The following PTPN3 variants were observed in gnomAD, a reference collection of about 807,000 sequenced individuals.
PTPN3 encodes tyrosine-protein phosphatase non-receptor type 3.
In PTPN3, 96 loss-of-function variants were observed where a neutral mutation model predicts 132.7. The ratio of observed to expected loss-of-function variants is 0.72; its 90% confidence interval spans 0.61 to 0.86. PTPN3 has a LOEUF of 0.86. Among genes scored for constraint, PTPN3 ranks in the 40% least tolerant of loss-of-function variants. The pLI, the probability that PTPN3 is intolerant of heterozygous loss-of-function variation, is 0.00. For synonymous variants in PTPN3, 398 were observed against 429.0 expected, an observed-to-expected ratio of 0.93 and a Z score of 0.89; for missense variants, 1,125 against 1,159.6, an observed-to-expected ratio of 0.97 and a Z score of 0.43.
chr9:109,397,982 C>T (rs1013953070), intron 19 of PTPN3, among the ~76,000 whole-genome samples: 2 of 152,152 alleles, frequency 1.3e-5, no homozygotes, highest in African/African-American at 4.8e-5. Flanking sequence ...TTTAAAAATG[C>T]AATCTTTTGG....
chr9:109,523,238 C>T, the PTPN3 span, among the ~76,000 whole-genome samples: 34 of 151,984 alleles, frequency 2.2e-4, no homozygotes, highest in African/African-American at 8.0e-4. Flanking sequence ...CCTCAGCCTC[C>T]CGAGTAGCTG....
chr9:109,380,306 A>G (rs999350083), intron 25 of PTPN3, among the ~76,000 whole-genome samples: 2 of 151,956 alleles, frequency 1.3e-5, no homozygotes, highest in Admixed American at 1.3e-4. Flanking sequence ...CTCAGGCTGG[A>G]GTGCAGTGGC....
chr9:109,506,610 T>C, the PTPN3 span, among the ~76,000 whole-genome samples: 1 of 143,658 alleles, frequency 7.0e-6, no homozygotes, highest in Admixed American at 7.0e-5. Context: ...TTTCTTTCTT[T>C]TTTTTTTTTT....
At chr9:109,465,706 CAAAAAAA>C (rs34634972) in intron 1 of PTPN3, among the ~76,000 whole-genome samples, 3 of 64,830 alleles carry the variant, frequency 4.6e-5, no homozygotes, top group African/African-American at 1.3e-4. Context: ...AACTCTGTCT[CAAAAAAA>C]AAAAAAAAAA....
upstream of PTPN3, among the ~76,000 whole-genome samples, chr9:109,501,249 TCA>T (rs577178720): frequency 2.1e-4 from 32 of 152,310 alleles, no homozygotes; most frequent in African/African-American, 7.2e-4. Context: ...GTGTTTTAGC[TCA>T]GTTTTACAGA....
chr9:109,525,422 C>A, the PTPN3 span, among the ~76,000 whole-genome samples: 2 of 152,124 alleles, frequency 1.3e-5, no homozygotes, highest in Admixed American at 1.3e-4. Context: ...CCTCTAAAGT[C>A]CAATAGTTCT....
At chr9:109,476,697 A>G (rs951809170) in intron 1 of PTPN3, among the ~76,000 whole-genome samples, 4 of 152,202 alleles carry the variant, frequency 2.6e-5, no homozygotes, top group Non-Finnish European at 5.9e-5. Context: ...TCCCAAGTGG[A>G]CATGAACCTG....
intron 1 of PTPN3, among the ~76,000 whole-genome samples, chr9:109,492,294 C>A (rs1036065181): frequency 6.6e-6 from 1 of 152,086 alleles, no homozygotes; most frequent in Non-Finnish European, 1.5e-5. Context: ...AGGTCTCCAA[C>A]CCCACTCCTA....
chr9:109,480,398 C>G (rs975327422), intron 1 of PTPN3, among the ~76,000 whole-genome samples: 14 of 152,126 alleles, frequency 9.2e-5, no homozygotes, highest in African/African-American at 3.4e-4. Context: ...CTCCTAGACT[C>G]AATGATCTGC....
intron 21 of PTPN3, among the ~76,000 whole-genome samples, chr9:109,389,667 C>G (rs1022339200): frequency 2.0e-5 from 3 of 152,222 alleles, no homozygotes; most frequent in Non-Finnish European, 4.4e-5. Flanking sequence ...TTTCATTGCT[C>G]TATCCTAAAT....
At chr9:109,530,176 A>G in the PTPN3 span, among the ~76,000 whole-genome samples, 1 of 152,146 alleles carries the variant, frequency 6.6e-6, no homozygotes, top group Non-Finnish European at 1.5e-5. Flanking sequence ...ACTAACCACT[A>G]CCCATCTCCA....
chr9:109,476,895 G>A (rs1488951967), intron 1 of PTPN3, among the ~76,000 whole-genome samples: 2 of 152,120 alleles, frequency 1.3e-5, no homozygotes, highest in South Asian at 2.1e-4. Flanking sequence ...TCCCTTTCCT[G>A]TTTCTGGGCT....
chr9:109,502,724 C>T (rs573807777), upstream of PTPN3, among the ~76,000 whole-genome samples: 1 of 152,230 alleles, frequency 6.6e-6, no homozygotes, highest in South Asian at 2.1e-4. Flanking sequence ...TGAGTCAGGG[C>T]GGTTGAGGCT....
chr9:109,429,484 T>G (rs1843514348), intron 10 of PTPN3, among the ~76,000 whole-genome samples: 1 of 152,256 alleles, frequency 6.6e-6, no homozygotes, highest in Admixed American at 6.5e-5. Context: ...ACAGTAGGCC[T>G]GCAATGCTTG....
chr9:109,478,972 C>CT (rs1328877938), intron 1 of PTPN3, among the ~76,000 whole-genome samples: 1 of 151,174 alleles, frequency 6.6e-6, no homozygotes, highest in South Asian at 2.1e-4. Context: ...TTTTTCTTTT[C>CT]TTTTTTTCTG....
At chr9:109,488,792 G>A (rs77113030) in intron 1 of PTPN3, among the ~76,000 whole-genome samples, 1,958 of 152,250 alleles carry the variant, frequency 0.013, 21 homozygotes, top group Non-Finnish European at 0.019. Flanking sequence ...CCTGATAAAT[G>A]GCCCTGTAGT....
Position 109,377,705 on chromosome 9 carries a change from T to G in PTPN3, c.*1851A>C, listed in dbSNP as rs1838692763. ...TTTCTAAGTAACTCACCCACAGCAGTGTCTGTTGCTGTTCTAGCCGATAAA... is the reference window on the plus strand; with the variant it reads ...TTTCTAAGTAACTCACCCACAGCAGGGTCTGTTGCTGTTCTAGCCGATAAA... On this transcript the variant is annotated 3_prime_UTR_variant, in exon 26 of 26. Coordinates refer to ENST00000374541, the MANE Select transcript of PTPN3 (RefSeq NM_002829.4). 1 of 152,214 alleles carries G rather than the reference T, an allele frequency of 6.6e-6. No homozygotes were observed. The highest frequency in any genetic ancestry group is 2.1e-4 in the South Asian group (1 of 4,826). The allele number at this position is 152,214 out of a possible 1,614,324, so 9.4% of individuals were successfully genotyped here.
At chr9:109,403,745 C>T (rs908991024) in intron 19 of PTPN3, among the ~76,000 whole-genome samples, 2 of 152,186 alleles carry the variant, frequency 1.3e-5, no homozygotes, top group African/African-American at 4.8e-5. Context: ...TGAACACATT[C>T]TATTTTAATT....
At chr9:109,435,920 G>A (rs1306493307) in intron 9 of PTPN3, among the ~76,000 whole-genome samples, 1 of 152,130 alleles carries the variant, frequency 6.6e-6, no homozygotes, top group East Asian at 1.9e-4. Context: ...TCAAGGGACC[G>A]AAGTGAAACA....
Sources: allele counts gnomAD v4.1 joint callset (sites outside exome capture counted in the v4.1 genomes callset), GRCh38; gene constraint gnomAD v4.1.1; transcripts MANE v1.5; gene names NCBI Gene and HGNC (gene_info 2026-07-23, HGNC 2026-07-21).